Variants in NR1D2 observed in about 807,000 individuals in gnomAD.
NR1D2 encodes the protein V-erbA-related protein 1-related.
Under a neutral mutation model 52.2 loss-of-function variants are expected in NR1D2, and 25 were observed. The observed-to-expected ratio is 0.48, with a 90% confidence interval of 0.35 to 0.67. The LOEUF (loss-of-function observed/expected upper bound fraction) is 0.67. Ranked by LOEUF, NR1D2 falls within the 30% of genes least tolerant of loss-of-function variation. The probability of loss-of-function intolerance (pLI) is 0.01; values close to 1 mark genes in which losing one functional copy is unlikely to be tolerated. For missense variants in NR1D2, 681 were observed against 707.2 expected, an observed-to-expected ratio of 0.96 and a Z score of 0.42; for synonymous variants, 259 against 230.1, an observed-to-expected ratio of 1.13 and a Z score of -1.14.
At chr3:23,955,894 A>G in intron 2 of NR1D2, 143 bp from the exon 3 acceptor site, 1 of 575,128 alleles carries the variant, frequency 1.7e-6, no homozygotes, top group Admixed American at 2.9e-5. Context: ...TTTGATTTGA[A>G]AATATTTTTC....
intron 2 of NR1D2, 75 bp downstream of exon 2, chr3:23,954,878 G>A (rs1175254681): frequency 7.0e-7 from 1 of 1,426,276 alleles, no homozygotes; most frequent in Non-Finnish European, 9.7e-7. Flanking sequence ...TTTTCATTTA[G>A]GTGGCCATTA....
chr3:23,967,312 A>C (rs1231914792), intron 6 of NR1D2, among the ~76,000 whole-genome samples: 1 of 151,716 alleles, frequency 6.6e-6, no homozygotes, highest in Non-Finnish European at 1.5e-5. Flanking sequence ...GACAAGAAGA[A>C]AACTCCATCT....
intron 4 of NR1D2, among the ~76,000 whole-genome samples, chr3:23,961,256 G>A (rs992251688): frequency 6.6e-6 from 1 of 152,128 alleles, no homozygotes; most frequent in Non-Finnish European, 1.5e-5. Context: ...GGTAATGGAT[G>A]TGTGTAGCTG....
intron 7 of NR1D2, among the ~76,000 whole-genome samples, chr3:23,973,783 TA>T (rs1454837900): frequency 6.6e-6 from 1 of 152,182 alleles, no homozygotes; most frequent in Non-Finnish European, 1.5e-5. Context: ...ATTGTACAGC[TA>T]TACAAAAATA....
At chr3:23,963,429 C>A in intron 5 of NR1D2, 1 of 1,188,726 alleles carries the variant, frequency 8.4e-7, no homozygotes, top group Non-Finnish European at 1.1e-6. Flanking sequence ...TTCTGTGGAC[C>A]TTATGTTAGG....
intron 7 of NR1D2, among the ~76,000 whole-genome samples, chr3:23,976,224 G>C (rs2125300139): frequency 6.6e-6 from 1 of 152,316 alleles, no homozygotes; most frequent in African/African-American, 2.4e-5. Flanking sequence ...TGAATGTAGG[G>C]TTACATAGCA....
intron 1 of NR1D2, chr3:23,946,205 C>T: frequency 1.0e-6 from 1 of 985,396 alleles, no homozygotes; most frequent in Non-Finnish European, 1.2e-6. Context: ...GTCCCCGAAG[C>T]GGGCGCTGAC....
At chr3:23,952,481 G>C (rs183568544) in intron 1 of NR1D2, among the ~76,000 whole-genome samples, 1,769 of 152,062 alleles carry the variant, frequency 0.012, 17 homozygotes, top group Middle Eastern at 0.034. Flanking sequence ...AGGTGGAGGC[G>C]GGCGGATCAT....
chr3:23,960,678 T>C (rs969265217), intron 4 of NR1D2, among the ~76,000 whole-genome samples: 1 of 152,186 alleles, frequency 6.6e-6, no homozygotes, highest in Admixed American at 6.5e-5. Flanking sequence ...TTTTGTTTTT[T>C]CAATTCCCTG....
In NR1D2 at chr3:23,959,832, A is replaced by G; in HGVS notation, c.517+17A>G. The stretch of plus-strand genomic sequence containing the variant: ...CAAGAGATGGTATGTTCCCAGTTTA[A>G]AGAGTGTTCCTAAAGTGTATGGAGC... On this transcript the variant is annotated intron_variant, in intron 4 of 7. Coordinates refer to ENST00000312521, the MANE Select transcript of NR1D2 (RefSeq NM_005126.5). The G allele has an allele frequency of 6.2e-7, 1 of 1,607,344 alleles. No homozygotes were observed.
chr3:23,972,035 C>CT (rs1201157507), intron 7 of NR1D2, among the ~76,000 whole-genome samples: 1 of 152,292 alleles, frequency 6.6e-6, no homozygotes, highest in East Asian at 1.9e-4. Context: ...TTTCAGTTCT[C>CT]TATTAATTGT....
rs150649077 is a variant in NR1D2, at chr3:23,979,569, T to C, written c.*2150T>C. The C allele has an allele frequency of 2.9e-4, 44 of 152,122 alleles. No homozygotes were observed. Among genetic ancestry groups the C allele is most frequent in the African/African-American group, 1.0e-3 (43 of 41,458 alleles). The allele number at this position is 152,122 out of a possible 1,614,324, so 9.4% of individuals were successfully genotyped here. On this transcript the variant is annotated 3_prime_UTR_variant, in exon 8 of 8. Coordinates refer to ENST00000312521, the MANE Select transcript of NR1D2 (RefSeq NM_005126.5). ...TTCAATATATACATATATACATCTC[T>C]ATATAGGTATATAGATTTGCATTTT...
rs1706807826 is a variant in NR1D2 at position 23,978,847 on chromosome 3, A to C, written c.*1428A>C. On this transcript the variant is annotated 3_prime_UTR_variant, in exon 8 of 8. Coordinates refer to ENST00000312521, the MANE Select transcript of NR1D2 (RefSeq NM_005126.5). ...GCTTAGAAATGGTATAGTCAAAGAC[A>C]TTTTATCCACATTTCTAATAGTGGA... 1 of 152,116 alleles carries C rather than the reference A, an allele frequency of 6.6e-6. No homozygotes were observed. Among genetic ancestry groups the C allele is most frequent in the Non-Finnish European group, 1.5e-5 (1 of 67,978 alleles). The allele number at this position is 152,116 out of a possible 1,614,324, so 9.4% of individuals were successfully genotyped here.
Position 23,967,845 on chromosome 3 carries a change from T to C in NR1D2, c.1365T>C (p.Asp455=), listed in dbSNP as rs747516111. 1.9e-6 allele frequency: 3 copies of C among 1,614,092 alleles called. No individual in the cohort carries two copies. In the Admixed American group the frequency reaches 5.0e-5, roughly 27 times the overall value. ...VLMVRFASLF[D]AKERTVTFLS... is the part of the protein sequence containing the mutation. The stretch of plus-strand genomic sequence containing the variant: ...TGGTACGGTTCGCATCATTATTTGA[T>C]GCAAAGGAACGTACTGTCACCTTTT... The change falls in exon 7 of 8, where the codon GAT becomes GAC. Residue 455 remains aspartate (D), a synonymous_variant. Coordinates refer to ENST00000312521, the MANE Select transcript of NR1D2 (RefSeq NM_005126.5).
At chr3:23,969,410 C>G (rs1408989175) in intron 7 of NR1D2, among the ~76,000 whole-genome samples, 2 of 152,182 alleles carry the variant, frequency 1.3e-5, no homozygotes, top group East Asian at 3.8e-4. Flanking sequence ...TTCTGACCAG[C>G]TCTACCTGGA....
intron 7 of NR1D2, among the ~76,000 whole-genome samples, chr3:23,969,252 C>T (rs62253386): frequency 6.2e-3 from 948 of 152,248 alleles, no homozygotes; most frequent in Middle Eastern, 0.02. Flanking sequence ...CACCAGCTTG[C>T]ATTCCAGCTT....
chr3:23,960,415 C>T (rs1200272392), intron 4 of NR1D2, among the ~76,000 whole-genome samples: 2 of 152,046 alleles, frequency 1.3e-5, no homozygotes, highest in Non-Finnish European at 2.9e-5. Flanking sequence ...AATGTAGCCT[C>T]TATCTCCCAG....
At chr3:23,964,281 G>C (rs1212463038) in intron 5 of NR1D2, among the ~76,000 whole-genome samples, 1 of 152,030 alleles carries the variant, frequency 6.6e-6, no homozygotes, top group Non-Finnish European at 1.5e-5. Flanking sequence ...GTTTCACCAT[G>C]TTGGCCAGGC....
intron 6 of NR1D2, among the ~76,000 whole-genome samples, chr3:23,967,591 G>A (rs114828510): frequency 0.012 from 1,886 of 152,142 alleles, 36 homozygotes; most frequent in African/African-American, 0.043. Context: ...ACTCCAGCTC[G>A]GGCCACAAGA....
Sources: gnomAD v4.1 joint callset for allele counts (sites outside exome capture counted in the v4.1 genomes callset) on GRCh38, gnomAD v4.1.1 for gene constraint, MANE v1.5 for transcripts, NCBI Gene and HGNC (gene_info 2026-07-23, HGNC 2026-07-21) for gene names.